SMYD3: variants seen among roughly 807,000 people sequenced by gnomAD.
SMYD3 encodes the protein SET and MYND domain containing 3, also known as histone-lysine N-methyltransferase SMYD3.
In SMYD3, 36 loss-of-function variants were observed where a neutral mutation model predicts 57.7. The ratio of observed to expected loss-of-function variants is 0.62; its 90% CI spans 0.48 to 0.82. The LOEUF is 0.82. Among genes scored for constraint, SMYD3 ranks in the 40% least tolerant of loss-of-function variants. SMYD3 has a pLI of 0.00. For synonymous variants in SMYD3, 211 were observed against 195.0 expected (o/e 1.08, Z -0.68); for missense variants, 515 against 538.8 (o/e 0.96, Z 0.44).
intron 5 of SMYD3, among the ~76,000 whole-genome samples, chr1:246,011,863 T>C (rs565478477): frequency 1.6e-4 from 24 of 152,290 alleles, no homozygotes; most frequent in Non-Finnish European, 2.6e-4. Context: ...ATAGCTACCC[T>C]TTCCTCACTG....
At position 245,778,925 on chromosome 1, in the gene SMYD3, C is replaced by T. The variant is rs1209615291; in HGVS notation, c.1077-14776G>A. 3.3e-5 allele frequency among the ~76,000 whole-genome samples: 5 copies of T among 151,930 alleles called. No individual in the cohort carries two copies. The East Asian group carries it at 5.8e-4, about 18-fold the overall frequency. On this transcript the variant is annotated intron_variant, in intron 10 of 11. Transcript: ENST00000490107. ...CTGTAATCCCAGCACTTTGGGAGGCCGAGGCGGGTCGATCACTTGAGGCCA... is the reference window on the plus strand; with the variant it reads ...CTGTAATCCCAGCACTTTGGGAGGCTGAGGCGGGTCGATCACTTGAGGCCA...
At chr1:246,330,668 T>C (rs2065444897) in intron 3 of SMYD3, 131 bp from the exon 4 acceptor site, 1 of 608,062 alleles carries the variant, frequency 1.6e-6, no homozygotes, top group Non-Finnish European at 2.6e-6. Flanking sequence ...ATTCTTTCTA[T>C]TCATCACTCT....
At chr1:246,489,666 T>C (rs2068239608) in intron 1 of SMYD3, among the ~76,000 whole-genome samples, 2 of 152,166 alleles carry the variant, frequency 1.3e-5, no homozygotes, top group South Asian at 4.1e-4. Context: ...CTTGTGTCAT[T>C]CAGAGAGAGA....
At chr1:245,880,972 C>G (rs1376341712) in intron 8 of SMYD3, among the ~76,000 whole-genome samples, 1 of 151,588 alleles carries the variant, frequency 6.6e-6, no homozygotes, top group East Asian at 1.9e-4. Flanking sequence ...GATACCCACC[C>G]AGGGCACACA....
chr1:245,931,721 A>C (rs1444153960), intron 5 of SMYD3, among the ~76,000 whole-genome samples: 2 of 152,212 alleles, frequency 1.3e-5, no homozygotes, highest in African/African-American at 2.4e-5. Flanking sequence ...CTGTAAAGGA[A>C]AAAGTGATGA....
chr1:246,060,633 C>G (rs1317999322), intron 5 of SMYD3, among the ~76,000 whole-genome samples: 1 of 152,110 alleles, frequency 6.6e-6, no homozygotes, highest in Non-Finnish European at 1.5e-5. Flanking sequence ...GATAATTTCT[C>G]CTTTGGTTAT....
chr1:245,774,721 T>C (rs1340583345), intron 10 of SMYD3, among the ~76,000 whole-genome samples: 2 of 147,258 alleles, frequency 1.4e-5, no homozygotes, highest in African/African-American at 2.5e-5. Context: ...TCCCTCTCCC[T>C]CTCTTTCCAC....
intron 5 of SMYD3, among the ~76,000 whole-genome samples, chr1:245,934,094 G>C (rs2056870588): frequency 6.6e-6 from 1 of 152,202 alleles, no homozygotes; most frequent in African/African-American, 2.4e-5. Context: ...AAGACCATCT[G>C]CATCTCCTTT....
intron 5 of SMYD3, among the ~76,000 whole-genome samples, chr1:246,309,574 T>C (rs1443634309): frequency 1.3e-5 from 2 of 152,194 alleles, no homozygotes; most frequent in Admixed American, 6.5e-5. Flanking sequence ...ATCAAAAAAA[T>C]CTACTGAAGT....
intron 8 of SMYD3, among the ~76,000 whole-genome samples, chr1:245,912,208 A>C (rs1159947314): frequency 2.0e-5 from 3 of 152,142 alleles, no homozygotes; most frequent in Non-Finnish European, 4.4e-5. Context: ...TCTATACACC[A>C]ATAATGAACT....
At position 246,355,047 on chromosome 1, in the gene SMYD3, C is replaced by T; in HGVS notation, c.212G>A (p.Cys71Tyr). 1 of 1,614,132 alleles carries T rather than the reference C, an allele frequency of 6.2e-7. No homozygotes were observed. The highest frequency in any genetic ancestry group is 8.5e-7 in the Non-Finnish European group (1 of 1,180,018). Residue 71 changes from cysteine to tyrosine, a missense_variant, in exon 2 of 12, where the codon TGT (cysteine) becomes TAT (tyrosine). Physicochemically the swap from Cys to Tyr is radical, Grantham distance 194. Transcript: ENST00000490107. The surrounding 1 kb of genome is among the most constrained non-coding windows in gnomAD (Gnocchi z 5.0). The part of the protein sequence containing the change: ...RCSQCRVAKY[C>Y]SAKCQKKAWP... The stretch of plus-strand genomic sequence containing the variant: ...AAGTCTTACCTGACACTTAGCACTA[C>T]AGTATTTGGCGACGCGGCACTGAGA...
At chr1:246,409,307 A>G (rs2066921316) in intron 1 of SMYD3, among the ~76,000 whole-genome samples, 1 of 152,164 alleles carries the variant, frequency 6.6e-6, no homozygotes, top group African/African-American at 2.4e-5. Flanking sequence ...TTATGGTTTT[A>G]GGTCTGACAT....
intron 3 of SMYD3, among the ~76,000 whole-genome samples, chr1:246,334,635 G>A (rs1490773029): frequency 1.3e-5 from 2 of 152,082 alleles, no homozygotes; most frequent in African/African-American, 4.8e-5. Flanking sequence ...CCTCGGTGAT[G>A]GGATCCATCA....
chr1:246,161,879 C>T (rs1243253850), intron 5 of SMYD3, among the ~76,000 whole-genome samples: 2 of 152,070 alleles, frequency 1.3e-5, no homozygotes, highest in Non-Finnish European at 2.9e-5. Context: ...GGCTTCAAGC[C>T]AAAAACTCCT....
chr1:246,452,988 A>G (rs1301604728), intron 1 of SMYD3, among the ~76,000 whole-genome samples: 4 of 152,134 alleles, frequency 2.6e-5, no homozygotes, highest in African/African-American at 4.8e-5. Context: ...AATGCAAGGG[A>G]AAAAAAATCT....
chr1:246,197,728 C>T (rs555241942), intron 5 of SMYD3, among the ~76,000 whole-genome samples: 598 of 152,074 alleles, frequency 3.9e-3, no homozygotes, highest in Non-Finnish European at 5.4e-3. Context: ...TTAGTTAGTA[C>T]CAGTATATCA....
At chr1:245,939,326 G>A (rs1430981031) in intron 5 of SMYD3, among the ~76,000 whole-genome samples, 2 of 151,996 alleles carry the variant, frequency 1.3e-5, no homozygotes, top group South Asian at 2.1e-4. Context: ...TAGAAGTATC[G>A]GTTTAAAAAG....
chr1:245,883,038 T>G (rs2148555504), intron 8 of SMYD3, among the ~76,000 whole-genome samples: 1 of 152,356 alleles, frequency 6.6e-6, no homozygotes, highest in South Asian at 2.1e-4. Flanking sequence ...TGATACCCAG[T>G]AATTGCCCAT....
At chr1:246,185,246 C>CTT (rs202099806) in intron 5 of SMYD3, among the ~76,000 whole-genome samples, 1 of 151,582 alleles carries the variant, frequency 6.6e-6, no homozygotes, top group Non-Finnish European at 1.5e-5. Context: ...AATATAATTC[C>CTT]TTTTTTTTGG....
Sources: gnomAD v4.1 joint callset for allele counts (sites outside exome capture counted in the v4.1 genomes callset) on GRCh38, gnomAD v4.1.1 for gene constraint, Gnocchi (gnomAD v3.1) non-coding constraint, MANE v1.5 for transcripts, NCBI Gene and HGNC (gene_info 2026-07-23, HGNC 2026-07-21) for gene names.